Variants in SLC25A28 observed in about 807,000 individuals in gnomAD.
SLC25A28 encodes the protein mitoferrin-2.
SLC25A28 carries 10 observed loss-of-function variants against 31.9 expected under a neutral mutation model. The ratio of observed to expected loss-of-function variants is 0.31; its 90% CI spans 0.19 to 0.53. SLC25A28 has a LOEUF of 0.53. SLC25A28 is among the 20% of genes least tolerant of loss of function. SLC25A28 has a pLI of 0.95. For synonymous variants in SLC25A28, 208 were observed against 203.6 expected (o/e 1.02, Z -0.19); for missense variants, 256 against 490.3 (o/e 0.52, Z 4.51).
the SLC25A28 span, among the ~76,000 whole-genome samples, chr10:99,641,323 T>C: frequency 6.6e-6 from 1 of 152,260 alleles, no homozygotes. Context: ...CCAGTAGTGA[T>C]GAGCATTTTT....
At chr10:99,641,126 T>C in the SLC25A28 span, among the ~76,000 whole-genome samples, 1 of 152,222 alleles carries the variant, frequency 6.6e-6, no homozygotes, top group Non-Finnish European at 1.5e-5. Context: ...TTCTAGATCC[T>C]TGAGGAATCG....
At chr10:99,630,183 C>T in the SLC25A28 span, among the ~76,000 whole-genome samples, 2 of 152,030 alleles carry the variant, frequency 1.3e-5, no homozygotes, top group Non-Finnish European at 2.9e-5. Context: ...GGCTGGAGTG[C>T]GGTGGTACAG....
At chr10:99,631,613 A>G in the SLC25A28 span, among the ~76,000 whole-genome samples, 1 of 152,204 alleles carries the variant, frequency 6.6e-6, no homozygotes, top group Non-Finnish European at 1.5e-5. Flanking sequence ...GTATAAACAG[A>G]AAGCCTCATC....
the SLC25A28 span, among the ~76,000 whole-genome samples, chr10:99,636,386 A>G: frequency 6.6e-6 from 1 of 152,204 alleles, no homozygotes; most frequent in Admixed American, 6.5e-5. Flanking sequence ...TGGGTCAAAA[A>G]CGAATGGAAA....
At position 99,613,739 on chromosome 10, in the gene SLC25A28, C is replaced by T; in HGVS notation, c.477G>A (p.Leu159=). The change falls in exon 2 of 4, where the codon TTG becomes TTA. Residue 159 remains leucine, a synonymous_variant. Transcript: ENST00000370495. The surrounding 1 kb of genome is among the most constrained non-coding windows in gnomAD (Gnocchi z 4.9). ...FACYEKLKKT[L]SDVIHPGGNS... is the part of the protein sequence containing the mutation. ...TGCCCCCAGGGTGGATTACATCACT[C>T]AATGTCTTTTTTAACTTTTCGTAGC... The T allele has an allele frequency of 6.2e-7, 1 of 1,614,204 alleles. No individual in the cohort carries two copies. Among genetic ancestry groups the T allele is most frequent in the Non-Finnish European group, 8.5e-7 (1 of 1,180,036 alleles).
the SLC25A28 span, among the ~76,000 whole-genome samples, chr10:99,629,858 G>A: frequency 1.3e-5 from 2 of 152,158 alleles, no homozygotes; most frequent in Non-Finnish European, 2.9e-5. Flanking sequence ...TGTACTAAAT[G>A]CCACTGAATA....
At chr10:99,650,934 T>G in the SLC25A28 span, among the ~76,000 whole-genome samples, 2 of 152,216 alleles carry the variant, frequency 1.3e-5, no homozygotes, top group Admixed American at 1.3e-4. Context: ...CATGTGGATT[T>G]CTTTTCTGGA....
At chr10:99,650,318 T>A in the SLC25A28 span, among the ~76,000 whole-genome samples, 2 of 152,138 alleles carry the variant, frequency 1.3e-5, no homozygotes, top group Non-Finnish European at 2.9e-5. Flanking sequence ...ACTGGGACTA[T>A]AGGTGCACAT....
chr10:99,627,492 G>C, the SLC25A28 span, among the ~76,000 whole-genome samples: 1 of 150,338 alleles, frequency 6.7e-6, no homozygotes, highest in Non-Finnish European at 1.5e-5. Flanking sequence ...CCAGGCTAGA[G>C]TGCAGTAGCG....
At chr10:99,624,873 T>A (rs2034854881), upstream of SLC25A28, among the ~76,000 whole-genome samples, 1 of 152,096 alleles carries the variant, frequency 6.6e-6, no homozygotes, top group Admixed American at 6.5e-5. Context: ...ATTGGTGATA[T>A]TCTTCACAAA....
At chr10:99,624,187 C>T, upstream of SLC25A28, among the ~76,000 whole-genome samples, 1 of 144,282 alleles carries the variant, frequency 6.9e-6, no homozygotes, top group African/African-American at 2.6e-5. Context: ...TTTTTTTCTT[C>T]CTTCCTTCTT....
At chr10:99,620,584 A>C (rs890018278), upstream of SLC25A28, 5 of 1,010,818 alleles carry the variant, frequency 4.9e-6, no homozygotes, top group Non-Finnish European at 5.9e-6. Context: ...CTCCGCCCTG[A>C]GGCGTTGCTA....
chr10:99,620,884 G>A, upstream of SLC25A28: 1 of 985,434 alleles, frequency 1.0e-6, no homozygotes, highest in Non-Finnish European at 1.2e-6. Flanking sequence ...GCGCGGGATC[G>A]CGTCGGGGGC....
chr10:99,620,854 T>C, upstream of SLC25A28: 2 of 985,480 alleles, frequency 2.0e-6, no homozygotes, highest in Non-Finnish European at 2.4e-6. Context: ...CACTAGCGCC[T>C]GCAGAGCTGC....
the SLC25A28 span, among the ~76,000 whole-genome samples, chr10:99,650,810 C>G: frequency 6.6e-6 from 1 of 152,100 alleles, no homozygotes; most frequent in African/African-American, 2.4e-5. Flanking sequence ...GGTCTCCCCT[C>G]TCCCTTTTTG....
chr10:99,620,954 C>G (rs1046639780), upstream of SLC25A28: 7 of 884,766 alleles, frequency 7.9e-6, no homozygotes, highest in Non-Finnish European at 7.7e-6. Flanking sequence ...ACCCGCGCTC[C>G]CGTGCGCTCC....
At chr10:99,616,719 G>A in intron 1 of SLC25A28, 1 of 985,320 alleles carries the variant, frequency 1.0e-6, no homozygotes, top group Non-Finnish European at 1.2e-6. Flanking sequence ...CTGCTTTTGG[G>A]AAGCTATATG....
chr10:99,620,643 A>T, upstream of SLC25A28: 1 of 990,056 alleles, frequency 1.0e-6, no homozygotes, highest in Non-Finnish European at 1.2e-6. Flanking sequence ...CTTCTTGTTT[A>T]TTGGTCACTG....
intron 3 of SLC25A28, 75 bp downstream of exon 3, chr10:99,612,468 A>G (rs1426229647): frequency 1.3e-6 from 2 of 1,538,092 alleles, no homozygotes; most frequent in African/African-American, 1.4e-5. Context: ...ACCAAAACTG[A>G]TGTGCTTTCT....
Sources: allele counts gnomAD v4.1 joint callset (sites outside exome capture counted in the v4.1 genomes callset), GRCh38; gene constraint gnomAD v4.1.1; non-coding constraint Gnocchi (gnomAD v3.1); transcripts MANE v1.5; gene names NCBI Gene and HGNC (gene_info 2026-07-23, HGNC 2026-07-21).